FMO2: variants seen among roughly 807,000 people sequenced by gnomAD.
The protein encoded by FMO2 is flavin-containing monooxygenase 2.
Under a neutral mutation model 41.6 loss-of-function variants are expected in FMO2, and 33 were observed. The observed-to-expected ratio is 0.79, with a 90% confidence interval of 0.60 to 1.06. The LOEUF (loss-of-function observed/expected upper bound fraction) is 1.06. Ranked by LOEUF, FMO2 falls within the 50% of genes least tolerant of loss-of-function variation. The pLI is 0.00. For synonymous variants in FMO2, 214 were observed against 219.6 expected (o/e 0.97, Z 0.23); for missense variants, 619 against 632.9 (o/e 0.98, Z 0.23).
At chr1:171,195,065 C>A (rs1658246147) in intron 3 of FMO2, among the ~76,000 whole-genome samples, 1 of 152,144 alleles carries the variant, frequency 6.6e-6, no homozygotes, top group Non-Finnish European at 1.5e-5. Context: ...TAAATAACTT[C>A]TATTCCATTC....
intron 2 of FMO2, among the ~76,000 whole-genome samples, chr1:171,189,260 C>A (rs1657977098): frequency 6.6e-6 from 1 of 152,208 alleles, no homozygotes; most frequent in Admixed American, 6.5e-5. Context: ...TGGATCTCCT[C>A]CTTTTCCAGA....
At chr1:171,189,654 C>CTTTTTTTTTTTTTTTTTTTTTTT (rs199536748) in intron 2 of FMO2, among the ~76,000 whole-genome samples, 1 of 122,774 alleles carries the variant, frequency 8.1e-6, no homozygotes, top group Non-Finnish European at 1.6e-5. Context: ...CGTCTTTTTT[C>CTTTTTTTTTTTTTTTTTTTTTTT]TTTTCTTTTT....
intron 5 of FMO2, among the ~76,000 whole-genome samples, chr1:171,201,192 T>C (rs1047598266): frequency 2.6e-5 from 4 of 152,152 alleles, no homozygotes; most frequent in African/African-American, 9.7e-5. Flanking sequence ...TAAATGCCAC[T>C]AGATGCCCCC....
chr1:171,199,428 G>A lies in FMO2; in HGVS notation c.567G>A (p.Val189=). The change falls in exon 5 of 9, where the codon GTG becomes GTA. Residue 189 remains valine, a synonymous_variant. Transcript: ENST00000209929. The part of the protein sequence containing the change: ...PDGFEGKRIL[V]IGMGNSGSDI... ...GATTTGAGGGAAAACGCATCCTGGT[G>A]ATTGGAATGGGAAACTCAGGCTCAG... 6.2e-7 allele frequency: 1 copy of A among 1,612,816 alleles called. No homozygotes were observed.
In FMO2 at chr1:171,185,828, G is replaced by A; in HGVS notation, c.115G>A (p.Gly39Arg). 3 of 1,613,820 alleles carry A rather than the reference G, an allele frequency of 1.9e-6. No homozygotes were observed. Among genetic ancestry groups the A allele is most frequent in the Non-Finnish European group, 2.5e-6 (3 of 1,179,778 alleles). ...TCFERTEDIG[G>R]VWRFKENVED... ...CTTTGAGAGAACTGAAGATATTGGAGGAGTGTGGAGGTTCAAAGTAAGTGA... is the reference window on the plus strand; with the variant it reads ...CTTTGAGAGAACTGAAGATATTGGAAGAGTGTGGAGGTTCAAAGTAAGTGA... Residue 39 changes from glycine (G) to arginine (R), a missense_variant, in exon 2 of 9, where the codon GGA becomes AGA. Gly to Arg is a moderately radical substitution (Grantham distance 125, BLOSUM62 -2). Coordinates refer to ENST00000209929, the MANE Select transcript of FMO2 (RefSeq NM_001460.5).
chr1:171,185,536 T>TA, intron 1 of FMO2, 172 bp from the exon 2 acceptor site: 1 of 587,688 alleles, frequency 1.7e-6, no homozygotes, highest in South Asian at 2.8e-5. Flanking sequence ...GAAACTCAGC[T>TA]TTTCTCAAAG....
At position 171,210,648 on chromosome 1, in the gene FMO2, T is replaced by G. The variant is rs1235260706; in HGVS notation, c.*1503T>G. 2.6e-5 allele frequency: 4 copies of G among 152,218 alleles called. No homozygotes were observed. Among genetic ancestry groups the G allele is most frequent in the African/African-American group, 4.8e-5 (2 of 41,428 alleles). 9.4% of individuals were successfully genotyped at this position (152,218 alleles called of 1,614,324 possible). On this transcript the variant is annotated 3_prime_UTR_variant, in exon 9 of 9. Transcript: ENST00000209929. ...AAGAGAGAACAAAGGTCAGAGATGT[T>G]GAAGATTCCAGCAAATTTCTCCTCT...
At position 171,198,717 on chromosome 1, in the gene FMO2, G is replaced by A. The variant is rs28369871; in HGVS notation, c.485-629G>A. Among the ~76,000 whole-genome samples, 664 of 151,848 alleles carry A rather than the reference G, an allele frequency of 4.4e-3. 6 individuals carry two copies. The highest frequency in any genetic ancestry group is 0.015 in the African/African-American group (641 of 41,448). On this transcript the variant is annotated intron_variant, in intron 4 of 8. Coordinates refer to ENST00000209929, the MANE Select transcript of FMO2 (RefSeq NM_001460.5). ...TGAGCCACCACACCTTGCCTAATATGTGATATTAAAGGGTCAAATGTCATT... is the reference window on the plus strand; with the variant it reads ...TGAGCCACCACACCTTGCCTAATATATGATATTAAAGGGTCAAATGTCATT...
chr1:171,204,863 G>A (rs1410505298), intron 6 of FMO2, among the ~76,000 whole-genome samples: 1 of 151,888 alleles, frequency 6.6e-6, no homozygotes, highest in East Asian at 1.9e-4. Flanking sequence ...CAAAACTAGT[G>A]GAAATTTAGC....
intron 3 of FMO2, among the ~76,000 whole-genome samples, chr1:171,195,484 C>T (rs1209302674): frequency 1.3e-5 from 2 of 152,170 alleles, no homozygotes; most frequent in African/African-American, 2.4e-5. Context: ...TAATATACTA[C>T]TTTGAACTAC....
At chr1:171,193,282 C>CA (rs1289660243) in intron 2 of FMO2, 53 bp from the exon 3 acceptor site, 10 of 1,423,852 alleles carry the variant, frequency 7.0e-6, no homozygotes, top group Non-Finnish European at 9.6e-6. Flanking sequence ...GAGTAAAAAA[C>CA]AAAAAATTTT....
intron 2 of FMO2, among the ~76,000 whole-genome samples, chr1:171,186,647 T>A (rs1020533625): frequency 1.3e-5 from 2 of 152,296 alleles, no homozygotes; most frequent in South Asian, 4.1e-4. Flanking sequence ...CCCCACCAGG[T>A]CCTTCCCAAG....
At chr1:171,204,440 A>G (rs1264818104) in intron 6 of FMO2, among the ~76,000 whole-genome samples, 1 of 152,196 alleles carries the variant, frequency 6.6e-6, no homozygotes, top group East Asian at 1.9e-4. Flanking sequence ...TATAGCATGA[A>G]GGTTCTTCCC....
intron 2 of FMO2, among the ~76,000 whole-genome samples, chr1:171,189,873 C>T (rs1658010786): frequency 6.6e-6 from 1 of 151,886 alleles, no homozygotes; most frequent in Non-Finnish European, 1.5e-5. Context: ...AATTGTAGGA[C>T]AAGGAAGTAA....
intron 2 of FMO2, among the ~76,000 whole-genome samples, chr1:171,190,841 C>T (rs1262506437): frequency 6.6e-6 from 1 of 152,096 alleles, no homozygotes; most frequent in Non-Finnish European, 1.5e-5. Flanking sequence ...ACCAATTAAC[C>T]CAACAATAAA....
Position 171,205,566 on chromosome 1 carries a change from T to A in FMO2, c.1115T>A (p.Ile372Asn). 6.2e-7 allele frequency: 1 copy of A among 1,613,736 alleles called. No individual in the cohort carries two copies. Residue 372 changes from isoleucine (I) to asparagine (N), a missense_variant, in exon 7 of 9, where the codon ATC (isoleucine) becomes AAC (asparagine). Coordinates refer to ENST00000209929, the MANE Select transcript of FMO2 (RefSeq NM_001460.5). ...TCAACCCTCGCGTGCATTGGTCTCATCCAGCCCCTAGGTTCCATTTTCCCA... is the reference window on the plus strand; with the variant it reads ...TCAACCCTCGCGTGCATTGGTCTCAACCAGCCCCTAGGTTCCATTTTCCCA... ...DKSTLACIGL[I>N]QPLGSIFPTA...
chr1:171,204,116 C>T, intron 6 of FMO2, 52 bp downstream of exon 6: 1 of 1,300,820 alleles, frequency 7.7e-7, no homozygotes, highest in East Asian at 2.3e-5. Flanking sequence ...GCAAAGTTGT[C>T]TGAAGGTGTC....
In FMO2 at chr1:171,205,304, AATG is replaced by A. The variant is rs777958558; in HGVS notation, c.860_862del (p.Asp287del). On this transcript the variant is annotated inframe_deletion, in exon 7 of 9. Coordinates refer to ENST00000209929, the MANE Select transcript of FMO2 (RefSeq NM_001460.5). ...ATACATTATGAAGGAACCTGTACTA[AATG>A]ATGATGTCCCAAGTCGTCTACTCTG... The A allele has an allele frequency of 6.2e-7, 1 of 1,611,978 alleles. No individual in the cohort carries two copies. Among genetic ancestry groups the A allele is most frequent in the Admixed American group, 1.7e-5 (1 of 59,870 alleles).
In FMO2 at chr1:171,207,805, T is replaced by A. The variant is rs1017931503; in HGVS notation, c.1256+15T>A. On this transcript the variant is annotated intron_variant, in intron 8 of 8. Transcript: ENST00000209929. ...AGAATTGACCTGTAAGAATTTTTTT[T>A]AATTCTTTACATGAAGCAGTGTTTC... 29 of 1,494,124 alleles carry A rather than the reference T, an allele frequency of 1.9e-5. No homozygotes were observed. The highest frequency in any genetic ancestry group is 8.4e-5 in the Admixed American group (5 of 59,578). The allele number at this position is 1,494,124 out of a possible 1,614,324, so 92.6% of individuals were successfully genotyped here. A position where few individuals can be genotyped will look rare whatever the true frequency, so the allele number is the denominator to read the frequency against.
Sources: gnomAD v4.1 joint callset for allele counts (sites outside exome capture counted in the v4.1 genomes callset) on GRCh38, gnomAD v4.1.1 for gene constraint, MANE v1.5 for transcripts, NCBI Gene and HGNC (gene_info 2026-07-23, HGNC 2026-07-21) for gene names.